Variants in NOS1AP observed in about 807,000 individuals in gnomAD.
NOS1AP encodes the protein nitric oxide synthase 1 adaptor protein, also known as carboxyl-terminal PDZ ligand of neuronal nitric oxide synthase protein.
Under a neutral mutation model 56.2 loss-of-function variants are expected in NOS1AP, and 21 were observed. That is an observed-to-expected ratio of 0.37 (90% CI 0.26 to 0.54). The LOEUF (loss-of-function observed/expected upper bound fraction) is 0.54. Among genes scored for constraint, NOS1AP ranks in the 20% least tolerant of loss-of-function variants. NOS1AP has a pLI of 0.84. For missense variants in NOS1AP, 522 were observed against 657.8 expected, an observed-to-expected ratio of 0.79 and a Z score of 2.26; for synonymous variants, 270 against 274.6, an observed-to-expected ratio of 0.98 and a Z score of 0.17.
chr1:162,111,611 G>A (rs1647714125), intron 1 of NOS1AP, among the ~76,000 whole-genome samples: 1 of 152,190 alleles, frequency 6.6e-6, no homozygotes, highest in African/African-American at 2.4e-5. Flanking sequence ...GTCTTAAACG[G>A]CATCAAGTAG....
chr1:162,244,580 G>A (rs1268084483), intron 2 of NOS1AP, among the ~76,000 whole-genome samples: 4 of 152,134 alleles, frequency 2.6e-5, no homozygotes, highest in Non-Finnish European at 5.9e-5. Context: ...TAGAACCCAG[G>A]TCTCCTGGCT....
chr1:162,165,598 T>C (rs546124757), intron 2 of NOS1AP, among the ~76,000 whole-genome samples: 17 of 152,256 alleles, frequency 1.1e-4, no homozygotes, highest in African/African-American at 3.9e-4. Flanking sequence ...CTTCTAAGCT[T>C]GAACGTGGTA....
intron 1 of NOS1AP, among the ~76,000 whole-genome samples, chr1:162,083,438 A>G (rs1691935349): frequency 6.6e-6 from 1 of 152,254 alleles, no homozygotes. Flanking sequence ...ACAGGGTCTC[A>G]CTATATTGCC....
Position 162,362,731 on chromosome 1 carries a change from T to A in NOS1AP, c.940-2673T>A, listed in dbSNP as rs17428733. Among the ~76,000 whole-genome samples the A allele has an allele frequency of 0.13, 20,480 of 152,228 alleles. 1,487 individuals are homozygous for A. Among genetic ancestry groups the A allele is most frequent in the Non-Finnish European group, 0.16 (10,685 of 68,000 alleles). ...AGTAACGGTACTCATAAGTGCAAGA[T>A]TAAGCTTACCCTTCTCTGAGGCTTA... On this transcript the variant is annotated intron_variant, in intron 8 of 9. Transcript: ENST00000361897.
intron 6 of NOS1AP, among the ~76,000 whole-genome samples, chr1:162,352,033 C>T (rs546337956): frequency 2.0e-5 from 3 of 151,656 alleles, no homozygotes; most frequent in East Asian, 1.9e-4. Flanking sequence ...TGCTTTTCAG[C>T]ATGCTTTGTA....
chr1:162,234,309 C>T (rs1404554753), intron 2 of NOS1AP, among the ~76,000 whole-genome samples: 1 of 152,168 alleles, frequency 6.6e-6, no homozygotes, highest in African/African-American at 2.4e-5. Context: ...TAGGAAGTCA[C>T]ATTGGGCTTA....
chr1:162,161,776 C>CTA (rs1553191163), intron 2 of NOS1AP, among the ~76,000 whole-genome samples: 3 of 152,112 alleles, frequency 2.0e-5, no homozygotes, highest in Non-Finnish European at 2.9e-5. Context: ...GATGGGGTCT[C>CTA]CCTATGTTGC....
At chr1:162,141,410 T>C (rs1455280189) in intron 1 of NOS1AP, among the ~76,000 whole-genome samples, 1 of 152,244 alleles carries the variant, frequency 6.6e-6, no homozygotes, top group African/African-American at 2.4e-5. Context: ...TCACTTTGAT[T>C]CTGTAACTTA....
At chr1:162,093,644 T>G (rs1002020423) in intron 1 of NOS1AP, among the ~76,000 whole-genome samples, 2 of 152,048 alleles carry the variant, frequency 1.3e-5, no homozygotes, top group African/African-American at 4.8e-5. Flanking sequence ...AGCTTTGAAC[T>G]CCTGGGCTCA....
chr1:162,222,287 A>G (rs1652808056), intron 2 of NOS1AP, among the ~76,000 whole-genome samples: 1 of 152,362 alleles, frequency 6.6e-6, no homozygotes, highest in South Asian at 2.1e-4. Context: ...GGAGCACAGC[A>G]GTGTTGTATA....
chr1:162,353,201 A>G (rs541714808), intron 6 of NOS1AP, among the ~76,000 whole-genome samples: 39 of 152,020 alleles, frequency 2.6e-4, no homozygotes, highest in Admixed American at 8.5e-4. Flanking sequence ...CCTCCATACT[A>G]TATCTAGAGT....
chr1:162,334,437 A>G (rs991015367), intron 5 of NOS1AP, among the ~76,000 whole-genome samples: 1 of 152,206 alleles, frequency 6.6e-6, no homozygotes, highest in Non-Finnish European at 1.5e-5. Flanking sequence ...GAAGAGGGAG[A>G]AAAAGAAAAG....
chr1:162,166,638 A>G (rs962957667), intron 2 of NOS1AP, among the ~76,000 whole-genome samples: 4 of 152,250 alleles, frequency 2.6e-5, no homozygotes, highest in Middle Eastern at 3.4e-3. Flanking sequence ...ATCACAGTGT[A>G]TTTGTCTTTT....
intron 2 of NOS1AP, among the ~76,000 whole-genome samples, chr1:162,235,686 C>T (rs1653269195): frequency 1.3e-5 from 2 of 152,152 alleles, no homozygotes; most frequent in Admixed American, 1.3e-4. Context: ...AGAGTAGTGA[C>T]TGCATCACTA....
At chr1:162,272,526 G>A (rs112553339) in intron 2 of NOS1AP, among the ~76,000 whole-genome samples, 3 of 152,254 alleles carry the variant, frequency 2.0e-5, no homozygotes, top group South Asian at 2.1e-4. Context: ...TAGAGATGAC[G>A]CGAGGAAGAA....
chr1:162,342,839 A>C (rs1374794953), intron 5 of NOS1AP, among the ~76,000 whole-genome samples: 1 of 152,224 alleles, frequency 6.6e-6, no homozygotes, highest in Non-Finnish European at 1.5e-5. Context: ...GATGAATGTT[A>C]GACTTGAGTA....
At position 162,355,325 on chromosome 1, in the gene NOS1AP, A is replaced by G. The variant is rs557237095; in HGVS notation, c.734A>G (p.Lys245Arg). 1 of 1,614,162 alleles carries G rather than the reference A, an allele frequency of 6.2e-7. No individual in the cohort carries two copies. The highest frequency in any genetic ancestry group is 1.1e-5 in the South Asian group (1 of 91,086). Residue 245 changes from lysine (K) to arginine (R), a missense_variant, in exon 7 of 10, where the codon AAG (lysine) becomes AGG (arginine). Transcript: ENST00000361897. ...GTGACTGATCTAGATGCTGTAGGGA[A>G]GGAAGGAGGCTCTCACACAGGCTCC... ...RGVTDLDAVG[K>R]EGGSHTGSKV...
intron 2 of NOS1AP, among the ~76,000 whole-genome samples, chr1:162,181,814 A>G (rs1257377512): frequency 6.6e-6 from 1 of 152,228 alleles, no homozygotes; most frequent in Non-Finnish European, 1.5e-5. Flanking sequence ...ATTTTTGTTC[A>G]GTACTCTCCT....
At chr1:162,311,819 G>A (rs1270738639) in intron 4 of NOS1AP, among the ~76,000 whole-genome samples, 3 of 145,516 alleles carry the variant, frequency 2.1e-5, no homozygotes, top group Admixed American at 6.9e-5. Context: ...ACCTATGAGT[G>A]AGAATATGCG....
Sources: gnomAD v4.1 joint callset for allele counts (sites outside exome capture counted in the v4.1 genomes callset) on GRCh38, gnomAD v4.1.1 for gene constraint, MANE v1.5 for transcripts, NCBI Gene and HGNC (gene_info 2026-07-23, HGNC 2026-07-21) for gene names.